Variants in PCDHA3 observed in about 807,000 individuals in gnomAD.
The protein encoded by PCDHA3 is protocadherin alpha-3.
In PCDHA3, 41 loss-of-function variants were observed where a neutral mutation model predicts 62.2. The observed-to-expected ratio is 0.66, with a 90% CI of 0.51 to 0.86. PCDHA3 has a LOEUF of 0.86. Ranked by LOEUF, PCDHA3 falls within the 40% of genes least tolerant of loss-of-function variation. PCDHA3 has a pLI of 0.00. For synonymous variants in PCDHA3, 640 were observed against 555.4 expected, an observed-to-expected ratio of 1.15 and a Z score of -2.14; for missense variants, 1,304 against 1,241.2, an observed-to-expected ratio of 1.05 and a Z score of -0.76.
chr5:140,854,556 T>C (rs1400864251), intron 1 of PCDHA3: 1 of 150,002 alleles, frequency 6.7e-6, no homozygotes, highest in African/African-American at 2.4e-5. Flanking sequence ...TTCATAAATA[T>C]TGTTGCTCTG....
chr5:141,001,213 A>G (rs2097997873), intron 3 of PCDHA3, among the ~76,000 whole-genome samples: 1 of 152,154 alleles, frequency 6.6e-6, no homozygotes, highest in African/African-American at 2.4e-5. Context: ...TGTGCTGTAT[A>G]AGGATAGTTA....
At chr5:140,983,513 C>G (rs893446292) in intron 3 of PCDHA3, among the ~76,000 whole-genome samples, 1 of 152,196 alleles carries the variant, frequency 6.6e-6, no homozygotes, top group South Asian at 2.1e-4. Flanking sequence ...TGCCTAGACA[C>G]TGTGCCAAGT....
At chr5:140,871,062 C>CT in intron 1 of PCDHA3, 1 of 1,613,220 alleles carries the variant, frequency 6.2e-7, no homozygotes, top group South Asian at 1.1e-5. Context: ...TGAAGGATCA[C>CT]GGTGAGCCGG....
intron 1 of PCDHA3, among the ~76,000 whole-genome samples, chr5:140,960,257 C>T (rs1554224600): frequency 6.6e-6 from 1 of 152,186 alleles, no homozygotes; most frequent in African/African-American, 2.4e-5. Flanking sequence ...CCTGGAGCTT[C>T]TGATAAATTC....
intron 1 of PCDHA3, among the ~76,000 whole-genome samples, chr5:140,908,581 G>A (rs2074042639): frequency 6.6e-6 from 1 of 152,178 alleles, no homozygotes; most frequent in Non-Finnish European, 1.5e-5. Context: ...AAGGAGAGTA[G>A]TTAGCTGCAG....
chr5:140,936,674 T>C (rs1410690822), intron 1 of PCDHA3, among the ~76,000 whole-genome samples: 6 of 152,228 alleles, frequency 3.9e-5, no homozygotes, highest in African/African-American at 1.4e-4. Context: ...GGACTGTCTA[T>C]TCTGTTTCAT....
intron 1 of PCDHA3, chr5:140,823,840 G>A (rs17844298): frequency 3.1e-6 from 5 of 1,613,722 alleles, no homozygotes; most frequent in South Asian, 2.2e-5. Flanking sequence ...TGTGGGTCCC[G>A]AGGCTGCCCT....
At chr5:141,000,824 T>C (rs1477357302) in intron 3 of PCDHA3, among the ~76,000 whole-genome samples, 1 of 152,064 alleles carries the variant, frequency 6.6e-6, no homozygotes, top group Non-Finnish European at 1.5e-5. Context: ...GGAGGATCAC[T>C]TGAGTCCAGG....
At chr5:140,928,139 C>T in intron 1 of PCDHA3, 2 of 1,614,174 alleles carry the variant, frequency 1.2e-6, no homozygotes, top group Non-Finnish European at 8.5e-7. Flanking sequence ...GTCCTGATCA[C>T]GGCCTCAGAT....
chr5:140,854,265 A>C lies in PCDHA3; in HGVS notation c.2394+50674A>C, dbSNP rs2043061448. The C allele has an allele frequency of 6.7e-6, 4 of 593,530 alleles. 1 individual carries two copies. The highest frequency in any genetic ancestry group is 4.0e-5 in the African/African-American group (2 of 49,606). The allele number at this position is 593,530 out of a possible 1,614,324, so 36.8% of individuals were successfully genotyped here. A position where few individuals can be genotyped will look rare whatever the true frequency, so the allele number is the denominator to read the frequency against. ...TATCACTTGGTATAAAATGTACATT[A>C]GTAGAAATTGAGTTTAGTTTTTATT... On this transcript the variant is annotated intron_variant, in intron 1 of 3. Transcript: ENST00000522353.
At chr5:140,815,347 T>C (rs1177649027) in intron 1 of PCDHA3, 4 of 152,118 alleles carry the variant, frequency 2.6e-5, no homozygotes, top group African/African-American at 9.6e-5. Context: ...TTTTCTTTTG[T>C]ATATCTTCCA....
intron 1 of PCDHA3, among the ~76,000 whole-genome samples, chr5:140,886,289 T>C (rs115070123): frequency 0.081 from 12,299 of 152,020 alleles, 542 homozygotes; most frequent in Middle Eastern, 0.13. Context: ...ATTATTTTTA[T>C]ATTTATTTAT....
chr5:140,830,479 T>G (rs2150187102), intron 1 of PCDHA3: 10 of 1,522,278 alleles, frequency 6.6e-6, no homozygotes, highest in Non-Finnish European at 8.8e-6. Flanking sequence ...AAGATCATGA[T>G]GCCAAAGTAA....
chr5:140,891,374 A>G (rs960838202), intron 1 of PCDHA3, among the ~76,000 whole-genome samples: 11 of 151,996 alleles, frequency 7.2e-5, no homozygotes, highest in Non-Finnish European at 1.3e-4. Flanking sequence ...TATACATTGC[A>G]CCATATTTGC....
chr5:140,986,218 T>A (rs2153838096), intron 3 of PCDHA3, among the ~76,000 whole-genome samples: 1 of 152,304 alleles, frequency 6.6e-6, no homozygotes, highest in Non-Finnish European at 1.5e-5. Flanking sequence ...GGCCCCTTTC[T>A]CTAGCCTCCC....
At chr5:140,822,742 GA>G in intron 1 of PCDHA3, 1 of 1,613,740 alleles carries the variant, frequency 6.2e-7, no homozygotes, top group African/African-American at 1.3e-5. Flanking sequence ...TGATGCCATG[GA>G]TAAAAGTACA....
At chr5:140,824,609 A>ATTTTTT (rs1554129932) in intron 1 of PCDHA3, 2 of 76,944 alleles carry the variant, frequency 2.6e-5, no homozygotes, top group Admixed American at 1.4e-4. Context: ...TGCTAATTAA[A>ATTTTTT]GTTTTTTTTT....
intron 1 of PCDHA3, among the ~76,000 whole-genome samples, chr5:140,840,138 T>C (rs1477164844): frequency 2.6e-5 from 4 of 151,960 alleles, no homozygotes; most frequent in Non-Finnish European, 4.4e-5. Flanking sequence ...GGACAGAAAT[T>C]ATCACACGTG....
At chr5:140,854,340 A>G in intron 1 of PCDHA3, 1 of 189,954 alleles carries the variant, frequency 5.3e-6, no homozygotes, top group Non-Finnish European at 9.6e-6. Context: ...TTTACGCTCC[A>G]GATAGCTAAA....
Sources: gnomAD v4.1 joint callset for allele counts (sites outside exome capture counted in the v4.1 genomes callset) on GRCh38, gnomAD v4.1.1 for gene constraint, MANE v1.5 for transcripts, NCBI Gene and HGNC (gene_info 2026-07-23, HGNC 2026-07-21) for gene names.